The following SLIT3 variants were observed in gnomAD, a reference collection of about 807,000 sequenced individuals.
The protein encoded by SLIT3 is slit guidance ligand 3.
Under a neutral mutation model 184.0 loss-of-function variants are expected in SLIT3, and 68 were observed. The observed-to-expected ratio is 0.37, with a 90% CI of 0.30 to 0.45. The LOEUF (loss-of-function observed/expected upper bound fraction) is 0.45, where lower values mean the gene tolerates loss of function less well. Ranked by LOEUF, SLIT3 falls within the 20% of genes least tolerant of loss-of-function variation. The probability of loss-of-function intolerance (pLI) is 1.00; values close to 1 mark genes in which losing one functional copy is unlikely to be tolerated. For synonymous variants in SLIT3, 831 were observed against 828.6 expected (o/e 1.00, Z -0.05); for missense variants, 1,707 against 2,026.0 (o/e 0.84, Z 3.02).
At chr5:168,998,454 C>T (rs1384464815) in intron 4 of SLIT3, among the ~76,000 whole-genome samples, 1 of 152,040 alleles carries the variant, frequency 6.6e-6, no homozygotes, top group Non-Finnish European at 1.5e-5. Context: ...GCCTATAATC[C>T]CAGCATTTTG....
At chr5:168,883,440 C>T (rs1013669633) in intron 4 of SLIT3, 104 bp from the exon 5 acceptor site, 65 of 844,882 alleles carry the variant, frequency 7.7e-5, no homozygotes, top group South Asian at 2.4e-4. Flanking sequence ...GCTGCCTCTG[C>T]GGTCAGAGTG....
intron 4 of SLIT3, among the ~76,000 whole-genome samples, chr5:168,953,169 T>A (rs1762718006): frequency 1.3e-5 from 2 of 152,152 alleles, no homozygotes; most frequent in South Asian, 4.2e-4. Flanking sequence ...ACTCAAAGGA[T>A]CCTGACTAGA....
intron 4 of SLIT3, among the ~76,000 whole-genome samples, chr5:169,118,369 T>G (rs1479779726): frequency 6.6e-6 from 1 of 152,238 alleles, no homozygotes; most frequent in Non-Finnish European, 1.5e-5. Flanking sequence ...TGGTTGGTCA[T>G]CTTCTTGAAC....
chr5:169,020,820 C>G (rs1756570042), intron 4 of SLIT3, among the ~76,000 whole-genome samples: 1 of 152,206 alleles, frequency 6.6e-6, no homozygotes, highest in Non-Finnish European at 1.5e-5. Flanking sequence ...TGCCTGAAGT[C>G]TCTGCTCACT....
At chr5:169,170,059 C>T (rs1240185581) in intron 4 of SLIT3, among the ~76,000 whole-genome samples, 3 of 152,312 alleles carry the variant, frequency 2.0e-5, no homozygotes, top group East Asian at 3.9e-4. Flanking sequence ...AGGGAACCTC[C>T]AGACCCTTCC....
chr5:168,838,970 G>A (rs1201525913), intron 6 of SLIT3, among the ~76,000 whole-genome samples: 1 of 152,188 alleles, frequency 6.6e-6, no homozygotes, highest in Non-Finnish European at 1.5e-5. Flanking sequence ...GGCAGGTGGG[G>A]CGGCTCTTGT....
chr5:168,742,819 C>T lies in SLIT3; in HGVS notation c.2270+5483G>A, dbSNP rs551159177. On this transcript the variant is annotated intron_variant, in intron 20 of 35. Transcript: ENST00000519560. ...AACTGAAGAAGGCACTGGAAGATAC[C>T]GGGCTCTAGGGCTGGATGCAGGTAC... is the stretch of plus-strand genomic sequence containing the variant. 3.3e-5 allele frequency among the ~76,000 whole-genome samples: 5 copies of T among 149,580 alleles called. No individual in the cohort carries two copies. In the South Asian group the frequency reaches 1.1e-3, roughly 33 times the overall value.
chr5:168,673,667 A>C (rs1288740955), intron 32 of SLIT3, among the ~76,000 whole-genome samples: 2 of 152,194 alleles, frequency 1.3e-5, no homozygotes, highest in African/African-American at 2.4e-5. Context: ...ATATTCTCTT[A>C]TATAAGCACA....
chr5:169,224,656 C>T (rs937736991), intron 3 of SLIT3, among the ~76,000 whole-genome samples: 12 of 152,082 alleles, frequency 7.9e-5, no homozygotes, highest in Non-Finnish European at 1.6e-4. Context: ...ACATGAGCCA[C>T]TGCACTCAGC....
chr5:168,968,614 C>T (rs1369115037), intron 4 of SLIT3, among the ~76,000 whole-genome samples: 3 of 152,212 alleles, frequency 2.0e-5, no homozygotes, highest in Non-Finnish European at 2.9e-5. Context: ...ACTTAACATG[C>T]TCATCCAGTA....
chr5:168,851,843 TA>T (rs1477331786), intron 5 of SLIT3, among the ~76,000 whole-genome samples: 1 of 152,144 alleles, frequency 6.6e-6, no homozygotes, highest in Non-Finnish European at 1.5e-5. Flanking sequence ...CCCTAAACCT[TA>T]AAATGTCTGT....
chr5:168,914,101 G>A (rs537770957), intron 4 of SLIT3, among the ~76,000 whole-genome samples: 82 of 152,220 alleles, frequency 5.4e-4, no homozygotes, highest in Middle Eastern at 3.4e-3. Context: ...GGTTGCTTCC[G>A]GTTTTCTATG....
rs1429888193 is a variant in SLIT3 at position 168,772,857 on chromosome 5, C to T, written c.1383G>A (p.Gly461=). Residue 461 remains glycine (G), a synonymous_variant, in exon 14 of 36, where the codon GGG becomes GGA. Transcript: ENST00000519560. ...GTCGGCGCGGGCTGCTGCAGCGGGC[C>T]CCGCTTGTCTCGATGGGGTTGTCCT... ...YLQDNPIETS[G]ARCSSPRRLA... 2.5e-6 allele frequency: 4 copies of T among 1,613,934 alleles called. No homozygotes were observed. The highest frequency in any genetic ancestry group is 1.1e-5 in the South Asian group (1 of 91,054).
intron 20 of SLIT3, among the ~76,000 whole-genome samples, chr5:168,743,283 G>T (rs188511007): frequency 4.5e-4 from 69 of 152,270 alleles, no homozygotes; most frequent in African/African-American, 1.6e-3. Flanking sequence ...CCCGCCACAA[G>T]CAAGTCTATT....
At chr5:168,703,333 C>T (rs987473517) in intron 26 of SLIT3, among the ~76,000 whole-genome samples, 1 of 151,030 alleles carries the variant, frequency 6.6e-6, no homozygotes, top group African/African-American at 2.4e-5. Context: ...GTCCCCAACC[C>T]CTGGGACATG....
chr5:168,856,280 TTA>T (rs1758861668), intron 5 of SLIT3, among the ~76,000 whole-genome samples: 1 of 152,132 alleles, frequency 6.6e-6, no homozygotes, highest in African/African-American at 2.4e-5. Flanking sequence ...GGCAGGAACT[TTA>T]TGAGACCACC....
chr5:168,863,566 T>C lies in SLIT3; in HGVS notation c.486-18911A>G, dbSNP rs561699443. On this transcript the variant is annotated intron_variant, in intron 5 of 35. Coordinates refer to ENST00000519560, the MANE Select transcript of SLIT3 (RefSeq NM_003062.4). ...GTACTTATGCAAATGGTAATGATCA[T>C]GGTTTCCAGTTATGGAGGGTCAACC... Among the ~76,000 whole-genome samples, 4 of 152,342 alleles carry C rather than the reference T, an allele frequency of 2.6e-5. No homozygotes were observed. In the East Asian group the frequency reaches 7.7e-4, roughly 29 times the overall value.
chr5:168,884,491 CT>C (rs1733763691), intron 4 of SLIT3, among the ~76,000 whole-genome samples: 1 of 82,860 alleles, frequency 1.2e-5, no homozygotes, highest in African/African-American at 4.1e-5. Flanking sequence ...CCGAAAAACC[CT>C]CAAATATTAA....
At chr5:168,789,410 A>G (rs1385060840) in intron 11 of SLIT3, 150 bp downstream of exon 11, 1 of 598,584 alleles carries the variant, frequency 1.7e-6, no homozygotes, top group African/African-American at 1.9e-5. Flanking sequence ...TTTCCCCTGA[A>G]GAAATATTTG....
Sources: allele counts gnomAD v4.1 joint callset (sites outside exome capture counted in the v4.1 genomes callset), GRCh38; gene constraint gnomAD v4.1.1; transcripts MANE v1.5; gene names NCBI Gene and HGNC (gene_info 2026-07-23, HGNC 2026-07-21).